The following RBM26 variants were observed in gnomAD, a reference collection of about 807,000 sequenced individuals.
The protein encoded by RBM26 is RNA-binding protein 26.
A neutral mutation model predicts 123.6 loss-of-function variants in RBM26; 30 were observed. The observed-to-expected ratio is 0.24, with a 90% CI of 0.18 to 0.33. The LOEUF is 0.33. RBM26 is among the 10% of genes least tolerant of loss of function. The pLI, the probability that RBM26 is intolerant of heterozygous loss-of-function variation, is 1.00. For missense variants in RBM26, 947 were observed against 1,203.6 expected (o/e 0.79, Z 3.15); for synonymous variants, 400 against 404.4 (o/e 0.99, Z 0.13).
At chr13:79,403,351 G>A (rs1489522409) in intron 1 of RBM26, among the ~76,000 whole-genome samples, 2 of 152,150 alleles carry the variant, frequency 1.3e-5, no homozygotes, top group Non-Finnish European at 2.9e-5. Flanking sequence ...AATGACTGCA[G>A]TGCTACAGCC....
At position 79,402,685 on chromosome 13, in the gene RBM26, T is replaced by C. The variant is rs2079153287; in HGVS notation, c.71+3019A>G. On this transcript the variant is annotated intron_variant, in intron 1 of 21. Transcript: ENST00000438737. ...CTCCATACAATCTGTTCACCAAACCTATAACGCTTTCACAGGTCTCCAATC... is the reference window on the plus strand; with the variant it reads ...CTCCATACAATCTGTTCACCAAACCCATAACGCTTTCACAGGTCTCCAATC... 2.0e-5 allele frequency among the ~76,000 whole-genome samples: 3 copies of C among 152,164 alleles called. No homozygotes were observed. The South Asian group carries it at 6.2e-4, about 31-fold the overall frequency.
At position 79,377,656 on chromosome 13, in the gene RBM26, G is replaced by C. The variant is rs373201919; in HGVS notation, c.191-141C>G. 6 of 701,596 alleles carry C rather than the reference G, an allele frequency of 8.6e-6. No individual in the cohort carries two copies. In the African/African-American group the frequency reaches 1.1e-4, roughly 13 times the overall value. 43.5% of individuals were successfully genotyped at this position (701,596 alleles called of 1,614,324 possible). Reference sequence around the variant, plus strand: ...AATATACTAGCACTGGCCAGGCGTGGTGGCTTACGTCTGTAATCCCAGCAC... The same window carrying C: ...AATATACTAGCACTGGCCAGGCGTGCTGGCTTACGTCTGTAATCCCAGCAC... On this transcript the variant is annotated intron_variant, in intron 2 of 21. Coordinates refer to ENST00000438737, the MANE Select transcript of RBM26 (RefSeq NM_001366735.2).
chr13:79,364,822 T>G (rs778860834), intron 9 of RBM26, among the ~76,000 whole-genome samples: 1 of 152,176 alleles, frequency 6.6e-6, no homozygotes, highest in Non-Finnish European at 1.5e-5. Flanking sequence ...TCTTAACACA[T>G]GATATCCTTT....
chr13:79,380,473 A>G (rs779367979), intron 1 of RBM26, among the ~76,000 whole-genome samples: 7 of 149,584 alleles, frequency 4.7e-5, no homozygotes, highest in Non-Finnish European at 1.0e-4. Context: ...TAAAGGAGGG[A>G]CAGGGTAAGA....
intron 5 of RBM26, among the ~76,000 whole-genome samples, chr13:79,369,888 G>C (rs1055006883): frequency 1.3e-5 from 2 of 152,048 alleles, no homozygotes; most frequent in African/African-American, 2.4e-5. Context: ...ACAAATAAAT[G>C]ATGTACATAT....
chr13:79,319,771 AT>A lies in RBM26; in HGVS notation c.*849del, dbSNP rs2067468307. Reference sequence around the variant, plus strand: ...AAGTGGTATAATTTTTAAACATTGGATTGTACATTATTGTAAGGGTACCAGT... The same window carrying A: ...AAGTGGTATAATTTTTAAACATTGGATGTACATTATTGTAAGGGTACCAGT... On this transcript the variant is annotated 3_prime_UTR_variant, in exon 22 of 22. Coordinates refer to ENST00000438737, the MANE Select transcript of RBM26 (RefSeq NM_001366735.2). 1.0e-6 allele frequency: 1 copy of A among 978,970 alleles called. No homozygotes were observed. Among genetic ancestry groups the A allele is most frequent in the South Asian group, 4.7e-5 (1 of 21,168 alleles). The allele number at this position is 978,970 out of a possible 1,614,324, so 60.6% of individuals were successfully genotyped here.
At chr13:79,399,455 TA>T (rs914761876) in intron 1 of RBM26, among the ~76,000 whole-genome samples, 2 of 149,544 alleles carry the variant, frequency 1.3e-5, no homozygotes, top group East Asian at 2.0e-4. Context: ...AAAGAAACAA[TA>T]AAAAAAAATG....
chr13:79,350,398 T>C (rs576360407), intron 14 of RBM26, among the ~76,000 whole-genome samples: 1 of 152,330 alleles, frequency 6.6e-6, no homozygotes, highest in Non-Finnish European at 1.5e-5. Context: ...TTTAAAAAAC[T>C]AACCAGGACA....
intron 1 of RBM26, among the ~76,000 whole-genome samples, chr13:79,404,939 CA>C (rs1037174694): frequency 6.6e-6 from 1 of 152,162 alleles, no homozygotes; most frequent in African/African-American, 2.4e-5. Context: ...GAATTTTCCC[CA>C]TTGCATTATT....
intron 20 of RBM26, among the ~76,000 whole-genome samples, chr13:79,331,511 C>G (rs2765079): frequency 0.51 from 76,009 of 149,932 alleles, 19,661 homozygotes; most frequent in Middle Eastern, 0.6. Context: ...GCAGGCACCT[C>G]TAGTCCCAGC....
At chr13:79,372,701 A>T (rs1444028382) in intron 3 of RBM26, among the ~76,000 whole-genome samples, 1 of 137,584 alleles carries the variant, frequency 7.3e-6, no homozygotes, top group African/African-American at 2.9e-5. Context: ...ACATGTTTAT[A>T]TATATAAATA....
chr13:79,384,827 T>A (rs866197987), intron 1 of RBM26, among the ~76,000 whole-genome samples: 1 of 152,204 alleles, frequency 6.6e-6, no homozygotes, highest in Non-Finnish European at 1.5e-5. Flanking sequence ...ACACCCATAG[T>A]GTGTTTTAGT....
At chr13:79,366,452 G>C (rs987483046) in intron 7 of RBM26, among the ~76,000 whole-genome samples, 181 bp downstream of exon 7, 3 of 152,176 alleles carry the variant, frequency 2.0e-5, no homozygotes, top group Admixed American at 1.3e-4. Flanking sequence ...CCAAACCATA[G>C]TAACTGGCTT....
At chr13:79,360,490 AATAT>A (rs141926769) in intron 9 of RBM26, among the ~76,000 whole-genome samples, 1 of 149,962 alleles carries the variant, frequency 6.7e-6, no homozygotes, top group Non-Finnish European at 1.5e-5. Context: ...CCTCACCACA[AATAT>A]ATATATATAT....
At chr13:79,337,043 T>C in intron 19 of RBM26, 59 bp downstream of exon 19, 2 of 1,452,682 alleles carry the variant, frequency 1.4e-6, no homozygotes, top group Non-Finnish European at 9.6e-7. Flanking sequence ...TCTTTAATTA[T>C]GTCTACTATC....
intron 20 of RBM26, among the ~76,000 whole-genome samples, chr13:79,330,031 C>T (rs1384260116): frequency 2.0e-5 from 3 of 152,038 alleles, no homozygotes; most frequent in Admixed American, 1.3e-4. Flanking sequence ...CAAGTTGTAG[C>T]GAGTGAAATA....
intron 11 of RBM26, among the ~76,000 whole-genome samples, chr13:79,356,385 C>CAAAAAAAAAA (rs1290686538): frequency 8.1e-5 from 1 of 12,394 alleles, no homozygotes; most frequent in Non-Finnish European, 1.9e-4. Context: ...AAAAAAAAAA[C>CAAAAAAAAAA]AAACAAAAAA....
Position 79,405,940 on chromosome 13 carries a change from G to C in RBM26, c.-166C>G, listed in dbSNP as rs923670376. The C allele has an allele frequency of 8.7e-6, 3 of 344,112 alleles. No homozygotes were observed. Among genetic ancestry groups the C allele is most frequent in the African/African-American group, 6.5e-5 (3 of 46,254 alleles). The allele number at this position is 344,112 out of a possible 1,614,324, so 21.3% of individuals were successfully genotyped here. ...CCCGGTCGGCGAACAGCTCTGCAAGGACCGCCGCAGGCCACAAGTGCACGG... is the reference window on the plus strand; with the variant it reads ...CCCGGTCGGCGAACAGCTCTGCAAGCACCGCCGCAGGCCACAAGTGCACGG... On this transcript the variant is annotated 5_prime_UTR_variant, in exon 1 of 22. Transcript: ENST00000438737.
intron 1 of RBM26, among the ~76,000 whole-genome samples, chr13:79,379,433 C>T (rs975580194): frequency 8.8e-5 from 13 of 148,074 alleles, no homozygotes; most frequent in African/African-American, 3.2e-4. Context: ...GTCCCAGCTA[C>T]TCGGGAGGCT....
Sources: gnomAD v4.1 joint callset for allele counts (sites outside exome capture counted in the v4.1 genomes callset) on GRCh38, gnomAD v4.1.1 for gene constraint, MANE v1.5 for transcripts, NCBI Gene and HGNC (gene_info 2026-07-23, HGNC 2026-07-21) for gene names.